SVEP1: variants seen among roughly 807,000 people sequenced by gnomAD.
SVEP1 encodes sushi, von Willebrand factor type A, EGF and pentraxin domain-containing protein 1.
In SVEP1, 164 loss-of-function variants were observed where a neutral mutation model predicts 367.3. The ratio of observed to expected loss-of-function variants is 0.45; its 90% CI spans 0.39 to 0.51. The LOEUF (loss-of-function observed/expected upper bound fraction) is 0.51, where lower values mean the gene tolerates loss of function less well. Among genes scored for constraint, SVEP1 ranks in the 20% least tolerant of loss-of-function variants. SVEP1 has a pLI of 0.00. For synonymous variants in SVEP1, 1,666 were observed against 1,611.6 expected, an observed-to-expected ratio of 1.03 and a Z score of -0.81; for missense variants, 4,117 against 4,425.3, an observed-to-expected ratio of 0.93 and a Z score of 1.98.
chr9:110,371,725 AT>A (rs1827278964), intron 46 of SVEP1, among the ~76,000 whole-genome samples: 1 of 152,144 alleles, frequency 6.6e-6, no homozygotes, highest in African/African-American at 2.4e-5. Context: ...TCCAAGTAGT[AT>A]TTGGCTCCTC....
intron 5 of SVEP1, among the ~76,000 whole-genome samples, chr9:110,508,957 T>C (rs1829669354): frequency 1.3e-5 from 2 of 152,142 alleles, no homozygotes; most frequent in African/African-American, 4.8e-5. Context: ...AGGTCTTTCA[T>C]TTCTGCCTCA....
Position 110,503,223 on chromosome 9 carries a change from T to C in SVEP1, c.1304-6A>G, listed in dbSNP as rs1372168281. On this transcript the variant is annotated splice_polypyrimidine_tract_variant and splice_region_variant and intron_variant, in intron 5 of 47. Coordinates refer to ENST00000374469, the MANE Select transcript of SVEP1 (RefSeq NM_153366.4). ...GAGATGAGGACATGTTCTTACTATG[T>C]AAAATGAAAGCAATTAGATCACATT... is the stretch of plus-strand genomic sequence containing the variant. 20 of 1,603,692 alleles carry C rather than the reference T, an allele frequency of 1.2e-5. No homozygotes were observed. The highest frequency in any genetic ancestry group is 1.6e-5 in the Non-Finnish European group (19 of 1,176,558).
rs929425356 is a variant in SVEP1 at position 110,458,652 on chromosome 9, G to A, written c.3485-90C>T. On this transcript the variant is annotated intron_variant, in intron 19 of 47. Coordinates refer to ENST00000374469, the MANE Select transcript of SVEP1 (RefSeq NM_153366.4). ...ACTATGGTCAAGATTCTGGTTGTCA[G>A]AGTGGGTAAAGCCACATATATTTTG... 16 of 1,288,050 alleles carry A rather than the reference G, an allele frequency of 1.2e-5. No homozygotes were observed. In the African/African-American group the frequency reaches 2.1e-4, roughly 17 times the overall value. 79.8% of individuals were successfully genotyped at this position (1,288,050 alleles called of 1,614,324 possible).
At chr9:110,528,627 T>C (rs1239668576) in intron 3 of SVEP1, among the ~76,000 whole-genome samples, 2 of 151,946 alleles carry the variant, frequency 1.3e-5, no homozygotes, top group East Asian at 1.9e-4. Flanking sequence ...TCTAAGTTGA[T>C]TGTCTACTTT....
chr9:110,570,670 G>A (rs1454786658), intron 1 of SVEP1, among the ~76,000 whole-genome samples: 5 of 152,192 alleles, frequency 3.3e-5, no homozygotes, highest in South Asian at 2.1e-4. Context: ...TAGTAGAGAC[G>A]GGGTTTCACT....
At chr9:110,410,860 G>A in intron 37 of SVEP1, among the ~76,000 whole-genome samples, 1 of 152,180 alleles carries the variant, frequency 6.6e-6, no homozygotes, top group East Asian at 1.9e-4. Context: ...ACCTTAGGCA[G>A]ATGAATTAAT....
At chr9:110,431,138 G>A (rs1828344138) in intron 32 of SVEP1, among the ~76,000 whole-genome samples, 1 of 152,168 alleles carries the variant, frequency 6.6e-6, no homozygotes, top group South Asian at 2.1e-4. Flanking sequence ...ACAGCCAGAG[G>A]TAAGCATAAA....
Position 110,456,564 on chromosome 9 carries a change from T to C in SVEP1, c.3673+692A>G, listed in dbSNP as rs192340156. Among the ~76,000 whole-genome samples the C allele has an allele frequency of 2.5e-3, 383 of 152,362 alleles. 2 individuals carry two copies. The highest frequency in any genetic ancestry group is 8.9e-3 in the African/African-American group (370 of 41,592). On this transcript the variant is annotated intron_variant, in intron 21 of 47. Coordinates refer to ENST00000374469, the MANE Select transcript of SVEP1 (RefSeq NM_153366.4). Reference sequence around the variant, plus strand: ...GTTTTTTGACTTTCCTTTTGCTTATTTTGTGGTGAATTCCTTTACTTAAAT... The same window carrying C: ...GTTTTTTGACTTTCCTTTTGCTTATCTTGTGGTGAATTCCTTTACTTAAAT...
chr9:110,410,515 C>G (rs537247537), intron 37 of SVEP1, among the ~76,000 whole-genome samples: 60 of 152,262 alleles, frequency 3.9e-4, no homozygotes, highest in African/African-American at 9.6e-4. Context: ...AAGCATATAT[C>G]CATCCTGAAA....
Position 110,434,454 on chromosome 9 carries a change from A to C in SVEP1, c.4941T>G (p.Asp1647Glu). ...GATTGACTTTGGAACCTGGCTTTAA[A>C]TCTTCAGATGCAGTTCTCAGATGAG... ...SVPHLRTASE[D>E]LKPGSKVNLF... Residue 1647 changes from aspartate to glutamate, a missense_variant, in exon 30 of 48, where the codon GAT becomes GAG. Physicochemically the swap from Asp to Glu is conservative, Grantham distance 45 (BLOSUM62 2). This residue lies in a region of SVEP1 where 2,174 missense variants were observed against 2,494.3 expected (regional missense o/e 0.87). Coordinates refer to ENST00000374469, the MANE Select transcript of SVEP1 (RefSeq NM_153366.4). The C allele has an allele frequency of 6.2e-7, 1 of 1,613,528 alleles. No homozygotes were observed. Among genetic ancestry groups the C allele is most frequent in the South Asian group, 1.1e-5 (1 of 90,994 alleles).
Position 110,411,243 on chromosome 9 carries a change from A to G in SVEP1, c.6468T>C (p.Tyr2156=), listed in dbSNP as rs1188286753. The change falls in exon 37 of 48, where the codon TAT becomes TAC. Residue 2156 remains tyrosine, a synonymous_variant. Coordinates refer to ENST00000374469, the MANE Select transcript of SVEP1 (RefSeq NM_153366.4). ...CGEPPSIMNG[Y]ASGSNYSFGA... ...CAAAACTGTAGTTTGATCCACTTGC[A>G]TAGCCATTCATGATGCTTGGTGGCT... 6.2e-7 allele frequency: 1 copy of G among 1,614,028 alleles called. No individual in the cohort carries two copies. The highest frequency in any genetic ancestry group is 2.2e-5 in the East Asian group (1 of 44,894).
rs768584341 is a variant in SVEP1 at position 110,408,414 on chromosome 9, A to C, written c.7186T>G (p.Ser2396Ala). The change falls in exon 38 of 48, where the codon TCT (serine) becomes GCT (alanine). Residue 2396 changes from serine to alanine, a missense_variant. By Grantham distance (99) the Ser-to-Ala change is moderately conservative. Around this residue, in one of 4 missense-constraint regions of SVEP1, gnomAD observed 1,765 missense variants for 1,781.1 expected, o/e 0.99. Transcript: ENST00000374469. ...ACAGTACTTCCAAAATGAAGAGCAG[A>C]AGAAGGAATGGGGACACCAAAGGAA... ...LISFGVPIPS[S>A]ALHFGSTVKY... 3 of 1,613,876 alleles carry C rather than the reference A, an allele frequency of 1.9e-6. No individual in the cohort carries two copies. In the African/African-American group the frequency reaches 4.0e-5, roughly 22 times the overall value.
chr9:110,539,550 CAAATATTGATAAT>C (rs769724957), intron 3 of SVEP1, among the ~76,000 whole-genome samples: 4 of 151,594 alleles, frequency 2.6e-5, no homozygotes, highest in South Asian at 2.1e-4. Flanking sequence ...TTAAAATGAT[CAAATATTGATAAT>C]AAATATTGAT....
rs199954746 is a variant in SVEP1 at position 110,392,153 on chromosome 9, A to ATC, written c.9823-2568_9823-2567dup. 4.1e-5 allele frequency among the ~76,000 whole-genome samples: 6 copies of ATC among 147,720 alleles called. 1 individual carries two copies. The highest frequency in any genetic ancestry group is 1.3e-4 in the African/African-American group (5 of 39,370). ...CCTCATTATATATATATATATATAT[A>ATC]TCTCTTCTCTCTCTCTCCTATTGGT... On this transcript the variant is annotated intron_variant, in intron 40 of 47. Transcript: ENST00000374469.
chr9:110,428,429 C>CAA (rs60798857), intron 35 of SVEP1, among the ~76,000 whole-genome samples: 8 of 151,224 alleles, frequency 5.3e-5, no homozygotes, highest in East Asian at 1.9e-4. Flanking sequence ...CACACACACA[C>CAA]CATTAATCTC....
chr9:110,556,471 C>T lies in SVEP1; in HGVS notation c.532-6367G>A, dbSNP rs893162592. On this transcript the variant is annotated intron_variant, in intron 1 of 47. Transcript: ENST00000374469. ...TCACTGAAAATACTAACTAGAGACGCTAATAAAGTCTTTTTTTGTTGTTGT... is the reference window on the plus strand; with the variant it reads ...TCACTGAAAATACTAACTAGAGACGTTAATAAAGTCTTTTTTTGTTGTTGT... Among the ~76,000 whole-genome samples the T allele has an allele frequency of 2.6e-5, 4 of 152,200 alleles. No homozygotes were observed. In the East Asian group the frequency reaches 7.7e-4, roughly 29 times the overall value.
At chr9:110,561,461 T>C (rs1588109604) in intron 1 of SVEP1, among the ~76,000 whole-genome samples, 1 of 152,184 alleles carries the variant, frequency 6.6e-6, no homozygotes, top group East Asian at 1.9e-4. Context: ...AGATTAACTA[T>C]GAAGTAAGAG....
intron 43 of SVEP1, among the ~76,000 whole-genome samples, chr9:110,382,232 A>G: frequency 6.6e-6 from 1 of 152,006 alleles, no homozygotes; most frequent in South Asian, 2.1e-4. Context: ...CTTCCTCTCC[A>G]TATTTAGTGC....
chr9:110,575,823 T>A (rs780616128), intron 1 of SVEP1, among the ~76,000 whole-genome samples: 2 of 152,090 alleles, frequency 1.3e-5, no homozygotes, highest in Non-Finnish European at 2.9e-5. Flanking sequence ...TGGATAATAA[T>A]CCTCAAATAT....
Sources: allele counts gnomAD v4.1 joint callset (sites outside exome capture counted in the v4.1 genomes callset), GRCh38; gene constraint gnomAD v4.1.1; regional missense constraint gnomAD v4.1.1; transcripts MANE v1.5; gene names NCBI Gene and HGNC (gene_info 2026-07-23, HGNC 2026-07-21).